Variants in ANK3 observed in about 807,000 individuals in gnomAD.
ANK3 encodes ankyrin 3.
Under a neutral mutation model 370.9 loss-of-function variants are expected in ANK3, and 57 were observed. That is an observed-to-expected ratio of 0.15 (90% CI 0.12 to 0.19). ANK3 has a LOEUF of 0.19. Among genes scored for constraint, ANK3 ranks in the 10% least tolerant of loss-of-function variants. ANK3 has a pLI of 1.00. For missense variants in ANK3, 4,439 were observed against 5,302.1 expected (o/e 0.84, Z 5.06); for synonymous variants, 1,929 against 1,946.3 (o/e 0.99, Z 0.23).
chr10:60,108,325 G>C (rs1411902883), intron 27 of ANK3: 1 of 286,390 alleles, frequency 3.5e-6, no homozygotes, highest in Non-Finnish European at 7.0e-6. Context: ...AAACGAGAAG[G>C]GGAAATTGTG....
intron 1 of ANK3, among the ~76,000 whole-genome samples, chr10:60,622,680 A>G (rs1473291481): frequency 6.6e-6 from 1 of 152,198 alleles, no homozygotes; most frequent in Non-Finnish European, 1.5e-5. Flanking sequence ...TCATTATATG[A>G]ATGAATATAT....
chr10:60,042,806 A>C, intron 42 of ANK3, 47 bp from the exon 43 acceptor site: 1 of 1,487,822 alleles, frequency 6.7e-7, no homozygotes, highest in Non-Finnish European at 8.9e-7. Context: ...AAACAGTGTT[A>C]GTTATAAAGC....
chr10:60,305,596 C>G (rs974423225), intron 1 of ANK3, among the ~76,000 whole-genome samples: 2 of 152,228 alleles, frequency 1.3e-5, no homozygotes, highest in African/African-American at 4.8e-5. Context: ...TCCCTCCCCA[C>G]AGTCTTCCCC....
chr10:60,133,267 T>C (rs1208314257), intron 25 of ANK3, among the ~76,000 whole-genome samples: 1 of 152,228 alleles, frequency 6.6e-6, no homozygotes, highest in Non-Finnish European at 1.5e-5. Context: ...CCTTTAAAAG[T>C]TTTATTGTCC....
At chr10:60,194,894 G>A (rs2096559463) in intron 16 of ANK3, among the ~76,000 whole-genome samples, 1 of 152,116 alleles carries the variant, frequency 6.6e-6, no homozygotes, top group South Asian at 2.1e-4. Flanking sequence ...ATGATCGAAA[G>A]TTTCCAGGAA....
intron 2 of ANK3, among the ~76,000 whole-genome samples, chr10:60,558,674 A>G (rs940786752): frequency 6.6e-6 from 1 of 152,218 alleles, no homozygotes; most frequent in Non-Finnish European, 1.5e-5. Context: ...AACATGTATC[A>G]TCAGAAGTTA....
intron 4 of ANK3, among the ~76,000 whole-genome samples, chr10:60,273,878 C>T (rs1010560286): frequency 1.3e-5 from 2 of 152,158 alleles, no homozygotes; most frequent in African/African-American, 4.8e-5. Flanking sequence ...TGCCTTCCAC[C>T]ATGATTGTGA....
rs1429745387 is a variant in ANK3, at chr10:60,362,434, TATC to T, written c.114+26988_114+26990del. Among the ~76,000 whole-genome samples the T allele has an allele frequency of 2.0e-5, 3 of 152,226 alleles. No individual in the cohort carries two copies. The East Asian group carries it at 5.8e-4, about 29-fold the overall frequency. ...GATTGTTATGCTGAGCTAAGATTTA[TATC>T]ATCAAGAGACTAAATGGCTATCACT... On this transcript the variant is annotated intron_variant, in intron 1 of 43. Transcript: ENST00000280772.
chr10:60,326,796 C>T (rs543140585), intron 1 of ANK3, among the ~76,000 whole-genome samples: 4 of 152,164 alleles, frequency 2.6e-5, no homozygotes, highest in Admixed American at 2.6e-4. Flanking sequence ...CCGAGGCGGG[C>T]GGATCACGAG....
intron 2 of ANK3, among the ~76,000 whole-genome samples, chr10:60,437,695 G>C (rs981404635): frequency 1.3e-5 from 2 of 152,184 alleles, no homozygotes; most frequent in African/African-American, 2.4e-5. Flanking sequence ...GTGTGCATAA[G>C]GGGGAGAGGG....
intron 2 of ANK3, among the ~76,000 whole-genome samples, chr10:60,565,487 C>T (rs1205426967): frequency 6.6e-6 from 1 of 152,192 alleles, no homozygotes; most frequent in African/African-American, 2.4e-5. Context: ...TATGTCTGAC[C>T]TTAATACTTC....
intron 43 of ANK3, among the ~76,000 whole-genome samples, chr10:60,040,542 C>T (rs190374390): frequency 6.6e-6 from 1 of 152,296 alleles, no homozygotes; most frequent in Admixed American, 6.5e-5. Context: ...TATGAATCTA[C>T]CCAACGTTCT....
intron 2 of ANK3, among the ~76,000 whole-genome samples, chr10:60,460,230 C>T (rs565487052): frequency 6.6e-6 from 1 of 152,210 alleles, no homozygotes; most frequent in African/African-American, 2.4e-5. Flanking sequence ...GAATCACTTG[C>T]CGTCAGGAGC....
chr10:60,279,272 G>A, intron 2 of ANK3, 124 bp from the exon 3 acceptor site: 1 of 835,388 alleles, frequency 1.2e-6, no homozygotes, highest in East Asian at 2.5e-5. Flanking sequence ...ATGCTGTGCA[G>A]GAACTTGAAT....
In ANK3 at chr10:60,665,479, G is replaced by A. The variant is rs113746336; in HGVS notation, c.58-50255C>T. ...AGCAGATGCTCATGAAATACAGGCT[G>A]AACAAATCCTTTGACACATAAATCC... On this transcript the variant is annotated intron_variant, in intron 1 of 43. Transcript: ENST00000373827. 4.2e-3 allele frequency among the ~76,000 whole-genome samples: 647 copies of A among 152,276 alleles called. 1 individual carries two copies. Among genetic ancestry groups the A allele is most frequent in the African/African-American group, 0.015 (608 of 41,548 alleles).
chr10:60,107,922 C>A (rs2092359307), intron 27 of ANK3, among the ~76,000 whole-genome samples: 1 of 152,072 alleles, frequency 6.6e-6, no homozygotes, highest in Non-Finnish European at 1.5e-5. Context: ...GAAAGGTTTA[C>A]AAAAGCACGA....
intron 8 of ANK3, among the ~76,000 whole-genome samples, chr10:60,222,622 T>G (rs2097080212): frequency 1.3e-5 from 2 of 152,206 alleles, no homozygotes; most frequent in African/African-American, 2.4e-5. Flanking sequence ...TCACAGTTAC[T>G]CCTCAGTCAA....
At chr10:60,273,374 C>T (rs1170491167) in intron 4 of ANK3, among the ~76,000 whole-genome samples, 1 of 151,960 alleles carries the variant, frequency 6.6e-6, no homozygotes, top group Non-Finnish European at 1.5e-5. Flanking sequence ...TAAAGCTCAC[C>T]TTTTAAAAGT....
chr10:60,080,876 G>A (rs1409800819), intron 35 of ANK3, among the ~76,000 whole-genome samples: 1 of 152,152 alleles, frequency 6.6e-6, no homozygotes, highest in Non-Finnish European at 1.5e-5. Flanking sequence ...TTCTGATGCT[G>A]AGCATTAAAT....
Sources: allele counts gnomAD v4.1 joint callset (sites outside exome capture counted in the v4.1 genomes callset), GRCh38; gene constraint gnomAD v4.1.1; transcripts MANE v1.5; gene names NCBI Gene and HGNC (gene_info 2026-07-23, HGNC 2026-07-21).